FBXL22: variants seen among roughly 807,000 people sequenced by gnomAD.
FBXL22 encodes F-box and leucine-rich protein 22.
A neutral mutation model predicts 11.7 loss-of-function variants in FBXL22; 13 were observed. The ratio of observed to expected loss-of-function variants is 1.11; its 90% CI spans 0.73 to 1.77. The LOEUF is 1.77. Ranked by LOEUF, FBXL22 falls within the 40% of genes most tolerant of loss-of-function variation. The pLI, the probability that FBXL22 is intolerant of heterozygous loss-of-function variation, is 0.00. For synonymous variants in FBXL22, 160 were observed against 144.1 expected, an observed-to-expected ratio of 1.11 and a Z score of -0.79; for missense variants, 406 against 320.4, an observed-to-expected ratio of 1.27 and a Z score of -2.04.
At chr15:63,608,471 C>T in the FBXL22 span, 4 of 152,588 alleles carry the variant, frequency 2.6e-5, no homozygotes, top group African/African-American at 7.2e-5. Context: ...GTGAAGCCCA[C>T]CCTCAATGTA....
chr15:63,603,335 C>T (rs1425838951), downstream of FBXL22, among the ~76,000 whole-genome samples: 2 of 152,188 alleles, frequency 1.3e-5, no homozygotes, highest in Admixed American at 6.5e-5. Flanking sequence ...CTAAAAATTG[C>T]TTTCCCCTCT....
At chr15:63,605,052 C>T (rs1033858578), downstream of FBXL22, among the ~76,000 whole-genome samples, 1 of 151,868 alleles carries the variant, frequency 6.6e-6, no homozygotes, top group Non-Finnish European at 1.5e-5. Context: ...AGCAAGACTC[C>T]GTCTCAAAAA....
Position 63,600,739 on chromosome 15 carries a change from C to G in FBXL22, c.396C>G (p.His132Gln). ...CCGTCACGCTCTCGGGCTGCGGCCA[C>G]GTTACCGACGACTGCCTGGCGCGCC... Reference protein sequence around the residue: ...LASVTLSGCGHVTDDCLARLL... With the variant: ...LASVTLSGCGQVTDDCLARLL... Residue 132 changes from histidine (H) to glutamine (Q), a missense_variant, in exon 2 of 2, where the codon CAC becomes CAG. By Grantham distance (24) the His-to-Gln change is conservative. Coordinates refer to ENST00000638704, the MANE Select transcript of FBXL22 (RefSeq NM_001367807.1). 1 of 1,231,510 alleles carries G rather than the reference C, an allele frequency of 8.1e-7. No individual in the cohort carries two copies. The allele number at this position is 1,231,510 out of a possible 1,614,324, so 76.3% of individuals were successfully genotyped here.
intron 1 of FBXL22, among the ~76,000 whole-genome samples, chr15:63,598,278 T>G (rs1402357349): frequency 6.6e-6 from 1 of 152,204 alleles, no homozygotes; most frequent in African/African-American, 2.4e-5. Flanking sequence ...CTTAGCCTAA[T>G]TTTTCAAATT....
downstream of FBXL22, among the ~76,000 whole-genome samples, chr15:63,605,999 A>G (rs1204707105): frequency 6.6e-6 from 1 of 152,194 alleles, no homozygotes; most frequent in Non-Finnish European, 1.5e-5. Flanking sequence ...TGTCTTACAG[A>G]GACACACTGG....
chr15:63,601,449 C>G, downstream of FBXL22: 1 of 1,573,714 alleles, frequency 6.4e-7, no homozygotes, highest in South Asian at 1.1e-5. Flanking sequence ...CCAGGGCTGC[C>G]GCGCGCAGGG....
downstream of FBXL22, among the ~76,000 whole-genome samples, chr15:63,604,923 G>A (rs1031406013): frequency 1.3e-5 from 2 of 152,100 alleles, no homozygotes; most frequent in Non-Finnish European, 2.9e-5. Flanking sequence ...ATGATGGCGG[G>A]TGCCTGTAAT....
downstream of FBXL22, among the ~76,000 whole-genome samples, chr15:63,605,000 C>T (rs1053672987): frequency 1.3e-5 from 2 of 151,928 alleles, no homozygotes; most frequent in African/African-American, 2.4e-5. Context: ...TGCAGTGAGC[C>T]GAGATCGGGC....
downstream of FBXL22, chr15:63,601,619 C>T: frequency 1.2e-6 from 2 of 1,601,328 alleles, no homozygotes; most frequent in Non-Finnish European, 1.7e-6. Flanking sequence ...GCCGCTCCTC[C>T]TTGCGGTTTT....
chr15:63,602,987 C>CAG (rs1341138824), downstream of FBXL22, among the ~76,000 whole-genome samples: 1 of 152,194 alleles, frequency 6.6e-6, no homozygotes, highest in African/African-American at 2.4e-5. Context: ...ACTCAAAATC[C>CAG]TTTCTCCTTA....
chr15:63,601,661 C>G (rs568083863), downstream of FBXL22: 23 of 1,608,334 alleles, frequency 1.4e-5, no homozygotes, highest in South Asian at 1.8e-4. Flanking sequence ...CCCACCTTTC[C>G]TGGGGCGGAT....
intron 1 of FBXL22, chr15:63,599,236 T>C (rs1416767627): frequency 6.5e-7 from 1 of 1,534,688 alleles, no homozygotes; most frequent in Non-Finnish European, 8.7e-7. Flanking sequence ...CTTCTGGCAC[T>C]CAGCTCAGGT....
the FBXL22 span, among the ~76,000 whole-genome samples, chr15:63,607,693 C>T: frequency 6.6e-6 from 1 of 152,346 alleles, no homozygotes; most frequent in East Asian, 1.9e-4. Context: ...AAATAACTGC[C>T]TGCAGAGGGC....
rs538968144 is a variant in FBXL22, at chr15:63,597,599, G to A, written c.207G>A (p.Pro69=). The A allele has an allele frequency of 2.0e-5, 33 of 1,613,906 alleles. No homozygotes were observed. The African/African-American group carries it at 2.1e-4, about 10-fold the overall frequency. Residue 69 remains proline (P), a synonymous_variant, in exon 1 of 2, where the codon CCG becomes CCA. Transcript: ENST00000638704. This position sits in a 1 kb window ranked among gnomAD's most constrained non-coding sequence, Gnocchi z 4.3. ...AGAAGGACAACTTCCTCCTGGGCCCGGCACTCCGCAGCCTCTCCATCTGCT... is the reference window on the plus strand; with the variant it reads ...AGAAGGACAACTTCCTCCTGGGCCCAGCACTCCGCAGCCTCTCCATCTGCT... ...ELQKDNFLLG[P]ALRSLSICWH...
downstream of FBXL22, chr15:63,601,433 CG>C (rs2067369858): frequency 1.9e-6 from 3 of 1,583,226 alleles, no homozygotes; most frequent in African/African-American, 1.4e-5. Flanking sequence ...TCGGGGGTGA[CG>C]GGGGCCAGGG....
chr15:63,600,508 G>C, intron 1 of FBXL22, 189 bp from the exon 2 acceptor site: 2 of 1,227,742 alleles, frequency 1.6e-6, no homozygotes, highest in African/African-American at 3.1e-5. Context: ...TGGGGTGCAG[G>C]GGCAGAAAGA....
chr15:63,607,351 TCCTGGTCCAGAGG>T (rs2067427153), downstream of FBXL22, among the ~76,000 whole-genome samples: 3 of 152,236 alleles, frequency 2.0e-5, no homozygotes, highest in South Asian at 6.2e-4. Flanking sequence ...TTAAATTCTC[TCCTGGTCCAGAGG>T]CCCAGGCAGG....
chr15:63,600,538 C>T (rs1007683363), intron 1 of FBXL22, 159 bp from the exon 2 acceptor site: 19 of 1,229,328 alleles, frequency 1.5e-5, no homozygotes, highest in Non-Finnish European at 1.8e-5. Context: ...ATGGGCCGGC[C>T]AGAAAGCCGA....
chr15:63,600,100 C>G (rs938126556), intron 1 of FBXL22: 1 of 985,638 alleles, frequency 1.0e-6, no homozygotes, highest in Non-Finnish European at 1.2e-6. Flanking sequence ...GCCTCCGAAC[C>G]CTACCCTTTT....
Sources: allele counts gnomAD v4.1 joint callset (sites outside exome capture counted in the v4.1 genomes callset), GRCh38; gene constraint gnomAD v4.1.1; non-coding constraint Gnocchi (gnomAD v3.1); transcripts MANE v1.5; gene names NCBI Gene and HGNC (gene_info 2026-07-23, HGNC 2026-07-21).